RABL6: variants seen among roughly 807,000 people sequenced by gnomAD.
RABL6 encodes the protein rab-like protein 6.
In RABL6, 28 loss-of-function variants were observed where a neutral mutation model predicts 72.9. The observed-to-expected ratio is 0.38, with a 90% CI of 0.28 to 0.53. The LOEUF is 0.53. RABL6 is among the 20% of genes least tolerant of loss of function. RABL6 has a pLI of 0.80. For synonymous variants in RABL6, 477 were observed against 421.2 expected (o/e 1.13, Z -1.62); for missense variants, 1,029 against 1,008.4 (o/e 1.02, Z -0.28).
At chr9:136,830,896 A>G (rs1386160180) in intron 5 of RABL6, 1 of 153,874 alleles carries the variant, frequency 6.5e-6, no homozygotes, top group African/African-American at 2.4e-5. Flanking sequence ...AAGGATGGAA[A>G]ACACTGGCTC....
At position 136,834,316 on chromosome 9, in the gene RABL6, G is replaced by A. The variant is rs1017854719; in HGVS notation, c.706-1426G>A. The A allele has an allele frequency of 4.9e-6, 5 of 1,018,620 alleles. No individual in the cohort carries two copies. The African/African-American group carries it at 6.8e-5, about 14-fold the overall frequency. The allele number at this position is 1,018,620 out of a possible 1,614,324, so 63.1% of individuals were successfully genotyped here. A position where few individuals can be genotyped will look rare whatever the true frequency, so the allele number is the denominator to read the frequency against. On this transcript the variant is annotated intron_variant, in intron 7 of 14. Transcript: ENST00000311502. ...GAGAAATAAGCCACAATAACAAATT[G>A]AAAAAATAAAATTCCCAAAGAGTTC...
At chr9:136,838,718 T>C (rs1848628604) in intron 10 of RABL6, among the ~76,000 whole-genome samples, 191 bp from the exon 11 acceptor site, 1 of 151,532 alleles carries the variant, frequency 6.6e-6, no homozygotes, top group Non-Finnish European at 1.5e-5. Flanking sequence ...TGTCCAACCT[T>C]GTGCCCCCGA....
intron 13 of RABL6, 42 bp from the exon 14 acceptor site, chr9:136,840,112 C>G: frequency 6.2e-7 from 1 of 1,612,340 alleles, no homozygotes. Context: ...TTGGGGTCCC[C>G]GTTGGCCTGA....
rs1848653280 is a variant in RABL6 at position 136,839,717 on chromosome 9, C to T, written c.1782C>T (p.Asp594=). The part of the protein sequence containing the change: ...RRADDFPVRD[D]PSDVTDEDEG... Reference sequence around the variant, plus strand: ...AGGATGACTTTCCCGTGCGAGATGACCCCTCCGATGTGACTGACGAGGATG... The same window carrying T: ...AGGATGACTTTCCCGTGCGAGATGATCCCTCCGATGTGACTGACGAGGATG... The change falls in exon 13 of 15, where the codon GAC becomes GAT. Residue 594 remains aspartate, a synonymous_variant. Coordinates refer to ENST00000311502, the MANE Select transcript of RABL6 (RefSeq NM_024718.5). 2.5e-6 allele frequency: 4 copies of T among 1,596,284 alleles called. No homozygotes were observed. Among genetic ancestry groups the T allele is most frequent in the Non-Finnish European group, 3.4e-6 (4 of 1,169,228 alleles).
rs114422241 is a variant in RABL6, at chr9:136,818,446, G to T, written c.131-5079G>T. Among the ~76,000 whole-genome samples, 169 of 141,466 alleles carry T rather than the reference G, an allele frequency of 1.2e-3. 2 individuals are homozygous for T. The highest frequency in any genetic ancestry group is 4.3e-3 in the African/African-American group (161 of 37,388). 92.8% of individuals were successfully genotyped at this position (141,466 alleles called of 152,430 possible). A position where few individuals can be genotyped will look rare whatever the true frequency, so the allele number is the denominator to read the frequency against. On this transcript the variant is annotated intron_variant, in intron 1 of 14. Transcript: ENST00000311502. The stretch of plus-strand genomic sequence containing the variant: ...AAACTGGTAAATATGTGGTGAAAAT[G>T]AAATAAGTGTTGGTGGGTCAGGTGC...
chr9:136,837,279 CCT>C (rs775915139), intron 8 of RABL6, 65 bp from the exon 9 acceptor site: 20 of 1,491,708 alleles, frequency 1.3e-5, no homozygotes, highest in Non-Finnish European at 1.6e-5. Context: ...CAGAGAGCCC[CCT>C]GTCACCTGAG....
Position 136,837,988 on chromosome 9 carries a change from C to T in RABL6, c.1253C>T (p.Ala418Val), listed in dbSNP as rs1273478494. 2.6e-6 allele frequency: 4 copies of T among 1,567,648 alleles called. No homozygotes were observed. Among genetic ancestry groups the T allele is most frequent in the South Asian group, 1.2e-5 (1 of 85,148 alleles). The change falls in exon 10 of 15, where the codon GCC becomes GTC. Residue 418 changes from alanine to valine, a missense_variant. By Grantham distance (64) the Ala-to-Val change is moderately conservative. Around this residue, in one of 2 missense-constraint regions of RABL6, gnomAD observed 595 missense variants for 472.4 expected, o/e 1.26. Transcript: ENST00000311502. ...TPARDEKKVG[A>V]KAAQQDSDSD... ...GCCAGGGACGAGAAGAAGGTGGGGG[C>T]CAAGGCTGCCCAGCAGGACAGCGAC...
At chr9:136,820,254 A>C (rs1848210372) in intron 1 of RABL6, among the ~76,000 whole-genome samples, 1 of 150,932 alleles carries the variant, frequency 6.6e-6, no homozygotes, top group Admixed American at 6.6e-5. Flanking sequence ...AGTCTGAGCT[A>C]CTTGGGAGGC....
chr9:136,821,802 G>A (rs2131173598), intron 1 of RABL6: 1 of 1,179,084 alleles, frequency 8.5e-7, no homozygotes, highest in East Asian at 7.0e-5. Context: ...CTCCGCGGGA[G>A]AGGGAGGGGA....
rs1564363851 is a variant in RABL6 at position 136,823,675 on chromosome 9, G to A, written c.265+16G>A. ...AGCTACAAGAGTAAGTGTGGTGGGT[G>A]CCCCAGTGGGTTCGGGCTCCAGGCT... is the stretch of plus-strand genomic sequence containing the variant. On this transcript the variant is annotated intron_variant, in intron 2 of 14. Transcript: ENST00000311502. 6 of 1,595,246 alleles carry A rather than the reference G, an allele frequency of 3.8e-6. No individual in the cohort carries two copies. The highest frequency in any genetic ancestry group is 2.2e-5 in the South Asian group (2 of 89,646).
intron 5 of RABL6, among the ~76,000 whole-genome samples, chr9:136,829,930 C>G (rs1457224125): frequency 6.6e-6 from 1 of 152,236 alleles, no homozygotes; most frequent in Non-Finnish European, 1.5e-5. Flanking sequence ...CTCTGGGGGA[C>G]CAGGCGCAAG....
In RABL6 at chr9:136,808,711, C is replaced by T. The variant is rs118132237; in HGVS notation, c.130+385C>T. The T allele has an allele frequency of 4.2e-3, 650 of 153,624 alleles. 32 individuals carry two copies. In the East Asian group the frequency reaches 0.11, roughly 25 times the overall value. The allele number at this position is 153,624 out of a possible 1,614,324, so 9.5% of individuals were successfully genotyped here. A position where few individuals can be genotyped will look rare whatever the true frequency, so the allele number is the denominator to read the frequency against. On this transcript the variant is annotated intron_variant, in intron 1 of 14. Transcript: ENST00000311502. ...CCCCCGACGCTCCACGGTGCCCAGC[C>T]CCGGGCACCACTCACCTGCAGGAGG...
chr9:136,840,815 T>G lies in RABL6; in HGVS notation c.*293T>G. 1.3e-6 allele frequency: 2 copies of G among 1,547,062 alleles called. No homozygotes were observed. Among genetic ancestry groups the G allele is most frequent in the Non-Finnish European group, 1.7e-6 (2 of 1,146,702 alleles). ...CGCCAGTGTTTCTCAGGGATGTGAC[T>G]GAGGCCCAGGAGGGACCTGTGAGGG... On this transcript the variant is annotated 3_prime_UTR_variant, in exon 15 of 15. Coordinates refer to ENST00000311502, the MANE Select transcript of RABL6 (RefSeq NM_024718.5).
chr9:136,809,248 T>TG (rs1237418586), intron 1 of RABL6: 1 of 161,620 alleles, frequency 6.2e-6, no homozygotes, highest in Admixed American at 6.5e-5. Flanking sequence ...GAAAGACTCT[T>TG]GTGCAGGTTT....
At chr9:136,815,900 G>A (rs1229310672) in intron 1 of RABL6, among the ~76,000 whole-genome samples, 3 of 152,110 alleles carry the variant, frequency 2.0e-5, no homozygotes, top group Non-Finnish European at 4.4e-5. Context: ...AACAGAGGTC[G>A]TGTTCACATC....
At chr9:136,835,403 CTTTG>C (rs1376207505) in intron 7 of RABL6, 2 of 208,754 alleles carry the variant, frequency 9.6e-6, no homozygotes, top group African/African-American at 4.6e-5. Flanking sequence ...AGCAGAGGGG[CTTTG>C]TTTCCCAGGT....
chr9:136,832,693 G>A (rs548825468), intron 7 of RABL6: 57 of 385,964 alleles, frequency 1.5e-4, no homozygotes, highest in Middle Eastern at 8.5e-4. Context: ...GTGCAGTGGC[G>A]CAATCATGGC....
At chr9:136,818,648 G>A (rs1182142413) in intron 1 of RABL6, among the ~76,000 whole-genome samples, 1 of 152,016 alleles carries the variant, frequency 6.6e-6, no homozygotes, top group Non-Finnish European at 1.5e-5. Context: ...GAGAGGCTGA[G>A]ACAGGAGAAT....
At chr9:136,833,981 C>T (rs1280992506) in intron 7 of RABL6, 6 of 1,525,666 alleles carry the variant, frequency 3.9e-6, no homozygotes, top group Non-Finnish European at 4.4e-6. Flanking sequence ...CCAAACCCTT[C>T]CAAAGCCTCC....
Sources: gnomAD v4.1 joint callset for allele counts (sites outside exome capture counted in the v4.1 genomes callset) on GRCh38, gnomAD v4.1.1 for gene constraint, gnomAD v4.1.1 regional missense constraint, MANE v1.5 for transcripts, NCBI Gene and HGNC (gene_info 2026-07-23, HGNC 2026-07-21) for gene names.